Variants in CCSAP observed in about 807,000 individuals in gnomAD.
CCSAP encodes centriole, cilia and spindle associated protein, also known as centriole, cilia and spindle-associated protein.
A neutral mutation model predicts 25.9 loss-of-function variants in CCSAP; 17 were observed. The ratio of observed to expected loss-of-function variants is 0.66; its 90% confidence interval spans 0.45 to 0.99. CCSAP has a LOEUF of 0.99. Ranked by LOEUF, CCSAP falls within the 50% of genes least tolerant of loss-of-function variation. The pLI is 0.00. For missense variants in CCSAP, 339 were observed against 367.8 expected (o/e 0.92, Z 0.64); for synonymous variants, 169 against 157.1 (o/e 1.08, Z -0.57).
At chr1:229,330,247 C>T (rs1376640701) in intron 2 of CCSAP, among the ~76,000 whole-genome samples, 1 of 152,170 alleles carries the variant, frequency 6.6e-6, no homozygotes, top group Non-Finnish European at 1.5e-5. Flanking sequence ...CATAGGCCCC[C>T]TAAAGGATGA....
chr1:229,341,487 C>T (rs901743275), intron 2 of CCSAP, among the ~76,000 whole-genome samples: 1 of 152,192 alleles, frequency 6.6e-6, no homozygotes, highest in Non-Finnish European at 1.5e-5. Context: ...CCGGCGCTTT[C>T]GGATCTGGAC....
At position 229,327,165 on chromosome 1, in the gene CCSAP, A is replaced by G. The variant is rs932085373; in HGVS notation, c.368-159T>C. The G allele has an allele frequency of 1.7e-5, 10 of 604,452 alleles. No individual in the cohort carries two copies. The African/African-American group carries it at 1.7e-4, about 10-fold the overall frequency. 37.4% of individuals were successfully genotyped at this position (604,452 alleles called of 1,614,324 possible). A position where few individuals can be genotyped will look rare whatever the true frequency, so the allele number is the denominator to read the frequency against. The stretch of plus-strand genomic sequence containing the variant: ...TAAAGTAGAAATACAGGAACAAGTT[A>G]GCATAATTTTCAAACCATTTATCTC... On this transcript the variant is annotated intron_variant, in intron 2 of 3. Coordinates refer to ENST00000284617, the MANE Select transcript of CCSAP (RefSeq NM_145257.5).
chr1:229,340,711 T>C (rs1202073616), intron 2 of CCSAP: 1 of 360,104 alleles, frequency 2.8e-6, no homozygotes, highest in Non-Finnish European at 5.0e-6. Flanking sequence ...CCTCCGATGA[T>C]GAGCTGAAAA....
Position 229,342,570 on chromosome 1 carries a change from G to T in CCSAP, c.-48-57C>A. On this transcript the variant is annotated intron_variant, in intron 1 of 3. Transcript: ENST00000284617. This position sits in a 1 kb window ranked among gnomAD's most constrained non-coding sequence, Gnocchi z 7.5. ...CCCCGCCCCTCCGCCGGCCCTGCCC[G>T]CCGCGACGTTTAAACCCGGAGCCCC... 1.3e-6 allele frequency: 1 copy of T among 773,342 alleles called. No individual in the cohort carries two copies. Among genetic ancestry groups the T allele is most frequent in the Non-Finnish European group, 1.8e-6 (1 of 569,192 alleles). 47.9% of individuals were successfully genotyped at this position (773,342 alleles called of 1,614,324 possible).
intron 2 of CCSAP, among the ~76,000 whole-genome samples, chr1:229,331,876 CGCG>C (rs1658078641): frequency 1.3e-5 from 2 of 150,712 alleles, no homozygotes; most frequent in East Asian, 3.9e-4. Context: ...AGTGCAATGG[CGCG>C]ATCTCAGCTC....
chr1:229,340,297 C>G, intron 2 of CCSAP: 1 of 672,562 alleles, frequency 1.5e-6, no homozygotes, highest in Non-Finnish European at 2.7e-6. Context: ...AGAAAACATC[C>G]TTTCTTCTTC....
intron 2 of CCSAP, among the ~76,000 whole-genome samples, chr1:229,333,408 G>A (rs965953484): frequency 1.3e-4 from 19 of 147,160 alleles, no homozygotes; most frequent in Admixed American, 8.2e-4. Flanking sequence ...ACTCCAGCCT[G>A]GGCGACAGAG....
intron 2 of CCSAP, among the ~76,000 whole-genome samples, chr1:229,336,660 A>G (rs1658203287): frequency 6.6e-6 from 1 of 152,348 alleles, no homozygotes; most frequent in Admixed American, 6.5e-5. Flanking sequence ...CTTAAATATG[A>G]GCAGACAGGC....
At chr1:229,337,145 C>T (rs1459596863) in intron 2 of CCSAP, among the ~76,000 whole-genome samples, 1 of 151,984 alleles carries the variant, frequency 6.6e-6, no homozygotes, top group Non-Finnish European at 1.5e-5. Context: ...ACTGAAAGAA[C>T]CTTCCAGAAT....
At chr1:229,340,395 G>A in intron 2 of CCSAP, 1 of 716,606 alleles carries the variant, frequency 1.4e-6, no homozygotes, top group East Asian at 2.7e-5. Context: ...TGAACTCAGA[G>A]CTTACCTGAG....
chr1:229,321,364 C>G lies in CCSAP; in HGVS notation c.*3871G>C, dbSNP rs910942696. The G allele has an allele frequency of 1.3e-5, 2 of 152,070 alleles. No individual in the cohort carries two copies. Among genetic ancestry groups the G allele is most frequent in the African/African-American group, 4.8e-5 (2 of 41,428 alleles). The allele number at this position is 152,070 out of a possible 1,614,324, so 9.4% of individuals were successfully genotyped here. Reference sequence around the variant, plus strand: ...CTCACACTAGTAGGCTTGAAGGAGGCAAATTTGGACCAAAAATCTAGACAT... The same window carrying G: ...CTCACACTAGTAGGCTTGAAGGAGGGAAATTTGGACCAAAAATCTAGACAT... On this transcript the variant is annotated 3_prime_UTR_variant, in exon 4 of 4. Transcript: ENST00000284617.
At position 229,324,917 on chromosome 1, in the gene CCSAP, G is replaced by A. The variant is rs1571848721; in HGVS notation, c.*318C>T. 4.6e-6 allele frequency: 1 copy of A among 215,306 alleles called. No homozygotes were observed. The highest frequency in any genetic ancestry group is 9.4e-6 in the Non-Finnish European group (1 of 106,674). 13.3% of individuals were successfully genotyped at this position (215,306 alleles called of 1,614,324 possible). A position where few individuals can be genotyped will look rare whatever the true frequency, so the allele number is the denominator to read the frequency against. ...GAATACTGAACTGTAAGCATCTGTTGCCATTTAAAGGCATTTGGTGTCAGT... is the reference window on the plus strand; with the variant it reads ...GAATACTGAACTGTAAGCATCTGTTACCATTTAAAGGCATTTGGTGTCAGT... On this transcript the variant is annotated 3_prime_UTR_variant, in exon 4 of 4. Transcript: ENST00000284617.
chr1:229,329,381 G>C lies in CCSAP; in HGVS notation c.368-2375C>G, dbSNP rs539270607. Among the ~76,000 whole-genome samples, 7 of 152,364 alleles carry C rather than the reference G, an allele frequency of 4.6e-5. No individual in the cohort carries two copies. The South Asian group carries it at 1.5e-3, about 32-fold the overall frequency. On this transcript the variant is annotated intron_variant, in intron 2 of 3. Transcript: ENST00000284617. ...TCAATGGCATGGAGAGAAGAAGAAA[G>C]AGGGAATTATAAATAGTTCAAAATA...
chr1:229,340,705 C>A (rs578225813), intron 2 of CCSAP: 1 of 361,662 alleles, frequency 2.8e-6, no homozygotes, highest in Non-Finnish European at 4.9e-6. Context: ...GCCCTGCCTC[C>A]GATGATGAGC....
chr1:229,342,039 G>T lies in CCSAP; in HGVS notation c.367+60C>A. The T allele has an allele frequency of 7.8e-7, 1 of 1,280,716 alleles. No individual in the cohort carries two copies. Among genetic ancestry groups the T allele is most frequent in the East Asian group, 2.9e-5 (1 of 34,286 alleles). 79.3% of individuals were successfully genotyped at this position (1,280,716 alleles called of 1,614,324 possible). A position where few individuals can be genotyped will look rare whatever the true frequency, so the allele number is the denominator to read the frequency against. On this transcript the variant is annotated intron_variant, in intron 2 of 3. Transcript: ENST00000284617. This position sits in a 1 kb window ranked among gnomAD's most constrained non-coding sequence, Gnocchi z 7.5. ...CAAGAAATAAGAGATCAGCTGCTCA[G>T]AGCTTAGAGCAAACCGTCCCTGCGT...
rs1657910255 is a variant in CCSAP, at chr1:229,325,117, AC to A, written c.*117del. 3 of 1,020,758 alleles carry A rather than the reference AC, an allele frequency of 2.9e-6. No homozygotes were observed. In the South Asian group the frequency reaches 5.4e-5, roughly 18 times the overall value. 63.2% of individuals were successfully genotyped at this position (1,020,758 alleles called of 1,614,324 possible). Reference sequence around the variant, plus strand: ...ATCTTTTACAAATTCCCTAAAAAAAACCTTGCATAATCAGTTGGTTTCTTAA... The same window carrying A: ...ATCTTTTACAAATTCCCTAAAAAAAACTTGCATAATCAGTTGGTTTCTTAA... On this transcript the variant is annotated 3_prime_UTR_variant, in exon 4 of 4. Coordinates refer to ENST00000284617, the MANE Select transcript of CCSAP (RefSeq NM_145257.5).
Position 229,342,709 on chromosome 1 carries a change from G to A in CCSAP, c.-48-196C>T, listed in dbSNP as rs1380448145. Among the ~76,000 whole-genome samples the A allele has an allele frequency of 6.6e-6, 1 of 152,038 alleles. No individual in the cohort carries two copies. Among genetic ancestry groups the A allele is most frequent in the Non-Finnish European group, 1.5e-5 (1 of 67,978 alleles). On this transcript the variant is annotated intron_variant, in intron 1 of 3. Coordinates refer to ENST00000284617, the MANE Select transcript of CCSAP (RefSeq NM_145257.5). The surrounding 1 kb of genome is among the most constrained non-coding windows in gnomAD (Gnocchi z 7.5). ...AGAGGCGGGGACCGGGGCTGCTGGG[G>A]TCGAGGGGCGCGCCGCCGAGGAGGG...
intron 2 of CCSAP, among the ~76,000 whole-genome samples, chr1:229,338,625 A>G (rs1010114681): frequency 1.3e-5 from 2 of 152,116 alleles, no homozygotes; most frequent in East Asian, 3.8e-4. Context: ...AGAATGAGAA[A>G]CGAAGGATCA....
At chr1:229,331,368 T>C (rs1161875587) in intron 2 of CCSAP, among the ~76,000 whole-genome samples, 1 of 151,834 alleles carries the variant, frequency 6.6e-6, no homozygotes, top group Non-Finnish European at 1.5e-5. Flanking sequence ...AGATGGAAAA[T>C]ACAGAAAAGG....
Sources: allele counts gnomAD v4.1 joint callset (sites outside exome capture counted in the v4.1 genomes callset), GRCh38; gene constraint gnomAD v4.1.1; non-coding constraint Gnocchi (gnomAD v3.1); transcripts MANE v1.5; gene names NCBI Gene and HGNC (gene_info 2026-07-23, HGNC 2026-07-21).